Variants in KIF6 observed in about 807,000 individuals in gnomAD.
The protein encoded by KIF6 is kinesin-like protein KIF6.
In KIF6, 106 loss-of-function variants were observed where a neutral mutation model predicts 112.7. The ratio of observed to expected loss-of-function variants is 0.94; its 90% CI spans 0.80 to 1.11. The LOEUF is 1.11. Among genes scored for constraint, KIF6 ranks in the 50% least tolerant of loss-of-function variants. The pLI is 0.00. For synonymous variants in KIF6, 339 were observed against 339.9 expected (o/e 1.00, Z 0.03); for missense variants, 929 against 964.0 (o/e 0.96, Z 0.48).
chr6:39,364,278 G>T (rs1472873634), intron 16 of KIF6, among the ~76,000 whole-genome samples: 1 of 151,988 alleles, frequency 6.6e-6, no homozygotes, highest in Admixed American at 6.6e-5. Flanking sequence ...ACACCACCAC[G>T]CCCAGCTAAT....
chr6:39,606,891 TTA>T (rs1346822775), intron 6 of KIF6, among the ~76,000 whole-genome samples: 1 of 152,196 alleles, frequency 6.6e-6, no homozygotes, highest in Non-Finnish European at 1.5e-5. Flanking sequence ...GACCCTTTCT[TTA>T]AAGGGAAACT....
At chr6:39,431,298 C>T in intron 13 of KIF6, 137 bp from the exon 14 acceptor site, 1 of 599,066 alleles carries the variant, frequency 1.7e-6, no homozygotes, top group Admixed American at 2.9e-5. Context: ...AGACAGGTGG[C>T]CCCAGGCTCT....
intron 19 of KIF6, among the ~76,000 whole-genome samples, chr6:39,352,260 T>A (rs1562120596): frequency 1.3e-5 from 2 of 152,252 alleles, no homozygotes; most frequent in Non-Finnish European, 2.9e-5. Flanking sequence ...AACTGGTGAA[T>A]GAATATAGAT....
chr6:39,402,923 G>A (rs1768813456), intron 15 of KIF6, among the ~76,000 whole-genome samples: 1 of 152,096 alleles, frequency 6.6e-6, no homozygotes, highest in South Asian at 2.1e-4. Flanking sequence ...TACTTGCCCT[G>A]ACCAAACTGA....
At chr6:39,444,339 T>G (rs1772169934) in intron 13 of KIF6, among the ~76,000 whole-genome samples, 1 of 152,176 alleles carries the variant, frequency 6.6e-6, no homozygotes, top group African/African-American at 2.4e-5. Flanking sequence ...ATATTTAAGG[T>G]TTACAATGTG....
intron 6 of KIF6, among the ~76,000 whole-genome samples, chr6:39,609,720 G>A (rs1582263652): frequency 6.6e-6 from 1 of 152,198 alleles, no homozygotes; most frequent in East Asian, 1.9e-4. Context: ...ATGTTGTGGT[G>A]TTGACAAGGG....
intron 13 of KIF6, among the ~76,000 whole-genome samples, chr6:39,491,813 C>G (rs1005456468): frequency 5.3e-5 from 8 of 152,074 alleles, no homozygotes; most frequent in African/African-American, 1.9e-4. Flanking sequence ...AAATTGTCAC[C>G]AGCAATAATG....
intron 16 of KIF6, among the ~76,000 whole-genome samples, chr6:39,369,811 C>T (rs1310262041): frequency 6.6e-6 from 1 of 152,166 alleles, no homozygotes; most frequent in African/African-American, 2.4e-5. Context: ...TATTCATGGT[C>T]ACCTCTGTTC....
chr6:39,598,747 T>G (rs2150691038), intron 6 of KIF6, among the ~76,000 whole-genome samples: 1 of 152,242 alleles, frequency 6.6e-6, no homozygotes, highest in South Asian at 2.1e-4. Context: ...CAGAAAAGAT[T>G]AGTAAACTGA....
rs1763444254 is a variant in KIF6 at position 39,343,257 on chromosome 6, C to A, written c.2428+452G>T. 1.6e-6 allele frequency: 2 copies of A among 1,279,644 alleles called. No individual in the cohort carries two copies. Among genetic ancestry groups the A allele is most frequent in the Non-Finnish European group, 2.0e-6 (2 of 984,772 alleles). The allele number at this position is 1,279,644 out of a possible 1,614,324, so 79.3% of individuals were successfully genotyped here. A position where few individuals can be genotyped will look rare whatever the true frequency, so the allele number is the denominator to read the frequency against. On this transcript the variant is annotated intron_variant, in intron 22 of 22. Coordinates refer to ENST00000287152, the MANE Select transcript of KIF6 (RefSeq NM_145027.6). This position sits in a 1 kb window ranked among gnomAD's most constrained non-coding sequence, Gnocchi z 4.1. ...TTGTTATGGTGTCCTCGGGCCTGGG[C>A]CTTCAAGCAGTGTTTACACTCACAG...
At chr6:39,639,306 G>A (rs922774155) in intron 4 of KIF6, among the ~76,000 whole-genome samples, 5 of 152,080 alleles carry the variant, frequency 3.3e-5, no homozygotes, top group African/African-American at 1.2e-4. Flanking sequence ...TCAGTTTCTT[G>A]AGGAATATAA....
At chr6:39,531,778 T>A (rs1778077199) in intron 13 of KIF6, among the ~76,000 whole-genome samples, 1 of 152,118 alleles carries the variant, frequency 6.6e-6, no homozygotes, top group African/African-American at 2.4e-5. Flanking sequence ...ACCTCATAAA[T>A]GCTTCTGATG....
chr6:39,513,282 C>G (rs958375477), intron 13 of KIF6, among the ~76,000 whole-genome samples: 1 of 152,152 alleles, frequency 6.6e-6, no homozygotes, highest in East Asian at 1.9e-4. Context: ...TCCTTTTCCT[C>G]CTCCCTAGTG....
At chr6:39,568,070 C>T (rs990240478) in intron 10 of KIF6, among the ~76,000 whole-genome samples, 5 of 152,166 alleles carry the variant, frequency 3.3e-5, no homozygotes, top group Non-Finnish European at 5.9e-5. Context: ...ACTGAGAGCC[C>T]ATGTGCTAGG....
chr6:39,498,969 A>G (rs1469192640), intron 13 of KIF6, among the ~76,000 whole-genome samples: 1 of 152,226 alleles, frequency 6.6e-6, no homozygotes, highest in East Asian at 1.9e-4. Context: ...TTAAAAATAA[A>G]CAGTTGATAA....
Position 39,596,097 on chromosome 6 carries a change from G to A in KIF6, c.803C>T (p.Thr268Ile). The A allele has an allele frequency of 6.2e-7, 1 of 1,613,974 alleles. No homozygotes were observed. The highest frequency in any genetic ancestry group is 8.5e-7 in the Non-Finnish European group (1 of 1,179,918). Residue 268 changes from threonine (T) to isoleucine (I), a missense_variant, in exon 7 of 23, where the codon ACA becomes ATA. By Grantham distance (89) the Thr-to-Ile change is moderately conservative. Around this residue, in one of 2 missense-constraint regions of KIF6, gnomAD observed 688 missense variants for 662.7 expected, o/e 1.04. Transcript: ENST00000287152. ...TGACAAGTTGATATACTTGGCCTCT[G>A]TTAGAAGATGGCCCCCTACTCCAGT... is the stretch of plus-strand genomic sequence containing the variant. Reference protein sequence around the residue: ...AKTGVGGHLLTEAKYINLSLH... With the variant: ...AKTGVGGHLLIEAKYINLSLH...
intron 13 of KIF6, among the ~76,000 whole-genome samples, chr6:39,435,809 C>A (rs754360871): frequency 6.6e-6 from 1 of 152,062 alleles, no homozygotes. Context: ...TTGTAAATTG[C>A]GCTGTGATAA....
chr6:39,513,250 T>C (rs1776882898), intron 13 of KIF6, among the ~76,000 whole-genome samples: 2 of 152,210 alleles, frequency 1.3e-5, no homozygotes, highest in South Asian at 4.1e-4. Flanking sequence ...TCCCAGCACC[T>C]GTGGCATCTG....
intron 6 of KIF6, among the ~76,000 whole-genome samples, chr6:39,605,399 T>C (rs1409091874): frequency 6.6e-6 from 1 of 152,102 alleles, no homozygotes; most frequent in Non-Finnish European, 1.5e-5. Context: ...AATAATATTA[T>C]GGGGCTAAAA....
Sources: allele counts gnomAD v4.1 joint callset (sites outside exome capture counted in the v4.1 genomes callset), GRCh38; gene constraint gnomAD v4.1.1; regional missense constraint gnomAD v4.1.1; non-coding constraint Gnocchi (gnomAD v3.1); transcripts MANE v1.5; gene names NCBI Gene and HGNC (gene_info 2026-07-23, HGNC 2026-07-21).